DNAH10: variants seen among roughly 807,000 people sequenced by gnomAD.
DNAH10 encodes dynein axonemal heavy chain 10.
DNAH10 carries 348 observed loss-of-function variants against 506.6 expected under a neutral mutation model. That is an observed-to-expected ratio of 0.69 (90% CI 0.63 to 0.75). DNAH10 has a LOEUF of 0.75. Among genes scored for constraint, DNAH10 ranks in the 30% least tolerant of loss-of-function variants. The probability of loss-of-function intolerance (pLI) is 0.00; values close to 1 mark genes in which losing one functional copy is unlikely to be tolerated. For missense variants in DNAH10, 5,179 were observed against 5,787.1 expected, an observed-to-expected ratio of 0.89 and a Z score of 3.41; for synonymous variants, 2,059 against 2,198.6, an observed-to-expected ratio of 0.94 and a Z score of 1.78.
At chr12:123,777,369 A>G (rs1957479486) in intron 5 of DNAH10, among the ~76,000 whole-genome samples, 1 of 152,224 alleles carries the variant, frequency 6.6e-6, no homozygotes, top group South Asian at 2.1e-4. Flanking sequence ...CCGCCGTGCC[A>G]CTTGCTGCTG....
intron 21 of DNAH10, among the ~76,000 whole-genome samples, chr12:123,815,679 A>C (rs1486144585): frequency 2.0e-5 from 3 of 152,210 alleles, no homozygotes; most frequent in Non-Finnish European, 4.4e-5. Flanking sequence ...TAAGAGAAAT[A>C]TACAGTTGTG....
chr12:123,901,376 T>C (rs1219834581), intron 56 of DNAH10, among the ~76,000 whole-genome samples: 1 of 152,248 alleles, frequency 6.6e-6, no homozygotes, highest in Non-Finnish European at 1.5e-5. Context: ...TTGCTACCCT[T>C]TTCTGATGCA....
At chr12:123,771,295 TC>T (rs1475924511) in intron 2 of DNAH10, among the ~76,000 whole-genome samples, 1 of 152,068 alleles carries the variant, frequency 6.6e-6, no homozygotes, top group Non-Finnish European at 1.5e-5. Context: ...TATGATAAAC[TC>T]CCTTTTAAGT....
At chr12:123,768,513 A>G (rs144586074) in intron 2 of DNAH10, among the ~76,000 whole-genome samples, 1 of 152,246 alleles carries the variant, frequency 6.6e-6, no homozygotes, top group Non-Finnish European at 1.5e-5. Context: ...CATCTTTACT[A>G]ATTACATCTG....
Position 123,923,783 on chromosome 12 carries a change from C to A in DNAH10, c.11527C>A (p.Leu3843Ile). The A allele has an allele frequency of 6.2e-7, 1 of 1,611,414 alleles. No individual in the cohort carries two copies. Among genetic ancestry groups the A allele is most frequent in the Non-Finnish European group, 8.5e-7 (1 of 1,179,230 alleles). ...GCTGLFERHK[L>I]LFSFNMTIKI... ...TCCAGGGCTGTTTGAGAGGCACAAGCTACTCTTTTCTTTTAATATGACCAT... is the reference window on the plus strand; with the variant it reads ...TCCAGGGCTGTTTGAGAGGCACAAGATACTCTTTTCTTTTAATATGACCAT... The change falls in exon 66 of 79, where the codon CTA becomes ATA. Residue 3843 changes from leucine to isoleucine, a missense_variant. Physicochemically the swap from Leu to Ile is conservative, Grantham distance 5. Transcript: ENST00000673944.
At chr12:123,860,917 A>C in intron 38 of DNAH10, 95 bp from the exon 39 acceptor site, 1 of 1,551,962 alleles carries the variant, frequency 6.4e-7, no homozygotes, top group Non-Finnish European at 8.8e-7. Context: ...TTTGGATTAA[A>C]GTCAAAACAT....
chr12:123,849,988 C>CT (rs1287604983), intron 34 of DNAH10, among the ~76,000 whole-genome samples: 1 of 152,148 alleles, frequency 6.6e-6, no homozygotes, highest in African/African-American at 2.4e-5. Context: ...AGCTGTGTTT[C>CT]TCAGAGCCAG....
rs144794464 is a variant in DNAH10, at chr12:123,913,413, T to TA, written c.10352+99dup. The TA allele has an allele frequency of 2.5e-3, 3,230 of 1,309,260 alleles. 54 individuals carry two copies. The African/African-American group carries it at 0.039, about 16-fold the overall frequency. 81.1% of individuals were successfully genotyped at this position (1,309,260 alleles called of 1,614,324 possible). ...GATTCTTTATCTCACGTTGTGTTTT[T>TA]ATGTGAAAACCATGTGACCAGGTCT... On this transcript the variant is annotated intron_variant, in intron 60 of 78. Transcript: ENST00000673944. The surrounding 1 kb of genome is among the most constrained non-coding windows in gnomAD (Gnocchi z 5.1).
chr12:123,928,240 T>C lies in DNAH10; in HGVS notation c.12106-147T>C. 1.1e-6 allele frequency: 1 copy of C among 877,150 alleles called. No homozygotes were observed. The highest frequency in any genetic ancestry group is 1.7e-6 in the Non-Finnish European group (1 of 583,800). 54.3% of individuals were successfully genotyped at this position (877,150 alleles called of 1,614,324 possible). A position where few individuals can be genotyped will look rare whatever the true frequency, so the allele number is the denominator to read the frequency against. The stretch of plus-strand genomic sequence containing the variant: ...TCTCAAAGATGGTTTATTTGAAGGC[T>C]CCACCTGTAGCTCCTGGATCCTCGG... On this transcript the variant is annotated intron_variant, in intron 69 of 78. Transcript: ENST00000673944. The surrounding 1 kb of genome is among the most constrained non-coding windows in gnomAD (Gnocchi z 4.9).
Position 123,898,763 on chromosome 12 carries a change from T to C in DNAH10, c.9589T>C (p.Ser3197Pro). The C allele has an allele frequency of 6.2e-7, 1 of 1,612,352 alleles. No individual in the cohort carries two copies. The highest frequency in any genetic ancestry group is 1.1e-5 in the South Asian group (1 of 90,594). ...GCAGAAGATCGTGCTGGCGGAGAAG[T>C]CCGCCGCCTGCGAGGCCTTGCTGGA... ...AEQKIVLAEK[S>P]AACEALLEEI... The change falls in exon 56 of 79, where the codon TCC (serine) becomes CCC (proline). Residue 3197 changes from serine to proline, a missense_variant. Coordinates refer to ENST00000673944, the MANE Select transcript of DNAH10 (RefSeq NM_001372106.1).
chr12:123,783,797 G>A, intron 7 of DNAH10, 150 bp from the exon 8 acceptor site: 1 of 665,990 alleles, frequency 1.5e-6, no homozygotes. Context: ...GATTCACTAT[G>A]ATTGGACCAC....
intron 23 of DNAH10, among the ~76,000 whole-genome samples, chr12:123,819,940 A>G (rs1565946147): frequency 6.6e-6 from 1 of 151,852 alleles, no homozygotes; most frequent in Non-Finnish European, 1.5e-5. Context: ...CCTGACCTCA[A>G]GTGATCCTCC....
At chr12:123,809,636 A>G (rs1958849247) in intron 19 of DNAH10, among the ~76,000 whole-genome samples, 1 of 140,392 alleles carries the variant, frequency 7.1e-6, no homozygotes, top group Non-Finnish European at 1.6e-5. Context: ...GCAACAGAGC[A>G]AGACCGTGTC....
In DNAH10 at chr12:123,848,752, G is replaced by T. The variant is rs754740724; in HGVS notation, c.5972G>T (p.Gly1991Val). Residue 1991 changes from glycine (G) to valine (V), a missense_variant, in exon 34 of 79, where the codon GGC (glycine) becomes GTC (valine). Gly to Val is a moderately radical substitution (Grantham distance 109, BLOSUM62 -3). Coordinates refer to ENST00000673944, the MANE Select transcript of DNAH10 (RefSeq NM_001372106.1). ...TAGGCCGTGGGGAAGATTTTCTCTG[G>T]CCTGGCACAGTGCGGGGCTTGGGGC... ...DYRAVGKIFS[G>V]LAQCGAWGCF... The T allele has an allele frequency of 1.9e-6, 3 of 1,613,966 alleles. No homozygotes were observed. In the Admixed American group the frequency reaches 5.0e-5, roughly 27 times the overall value.
rs1281670022 is a variant in DNAH10, at chr12:123,785,413, TA to T, written c.1231-331del. Among the ~76,000 whole-genome samples the T allele has an allele frequency of 6.6e-6, 1 of 152,078 alleles. No homozygotes were observed. Among genetic ancestry groups the T allele is most frequent in the Non-Finnish European group, 1.5e-5 (1 of 68,018 alleles). On this transcript the variant is annotated intron_variant, in intron 8 of 78. Transcript: ENST00000673944. The surrounding 1 kb of genome is among the most constrained non-coding windows in gnomAD (Gnocchi z 4.1). ...CCGTTATTTATTTGAGTTATTATTATAAGAGATTAAAAAAAGTCTGCTCACC... is the reference window on the plus strand; with the variant it reads ...CCGTTATTTATTTGAGTTATTATTATAGAGATTAAAAAAAGTCTGCTCACC...
intron 18 of DNAH10, 103 bp downstream of exon 18, chr12:123,805,143 G>C (rs1333884552): frequency 8.0e-7 from 1 of 1,252,032 alleles, no homozygotes; most frequent in Non-Finnish European, 1.1e-6. Flanking sequence ...ATGAAAATCA[G>C]TTGGATGGTC....
intron 65 of DNAH10, among the ~76,000 whole-genome samples, chr12:123,921,716 TTTTTTTTTTTTTTTTG>T (rs1243429192): frequency 8.8e-5 from 7 of 79,994 alleles, no homozygotes; most frequent in South Asian, 4.2e-4. Context: ...TTTTTTTTTT[TTTTTTTTTTTTTTTTG>T]AGACAGAATG....
At chr12:123,825,637 G>A (rs190961812) in intron 24 of DNAH10, among the ~76,000 whole-genome samples, 11 of 152,288 alleles carry the variant, frequency 7.2e-5, no homozygotes, top group African/African-American at 2.6e-4. Context: ...GTTAACTGGG[G>A]GTAGGGACAG....
intron 72 of DNAH10, 58 bp from the exon 73 acceptor site, chr12:123,930,344 C>T (rs951866827): frequency 5.9e-5 from 85 of 1,428,688 alleles, no homozygotes; most frequent in Non-Finnish European, 7.5e-5. Context: ...CCCGGGCCCC[C>T]AGGGTGCACA....
Sources: gnomAD v4.1 joint callset for allele counts (sites outside exome capture counted in the v4.1 genomes callset) on GRCh38, gnomAD v4.1.1 for gene constraint, Gnocchi (gnomAD v3.1) non-coding constraint, MANE v1.5 for transcripts, NCBI Gene and HGNC (gene_info 2026-07-23, HGNC 2026-07-21) for gene names.